Variants in KIF26B observed in about 807,000 individuals in gnomAD.
The protein encoded by KIF26B is kinesin family member 26B.
A neutral mutation model predicts 151.2 loss-of-function variants in KIF26B; 63 were observed. The ratio of observed to expected loss-of-function variants is 0.42; its 90% CI spans 0.34 to 0.51. KIF26B has a LOEUF of 0.51. Ranked by LOEUF, KIF26B falls within the 20% of genes least tolerant of loss-of-function variation. KIF26B has a pLI of 0.07. For missense variants in KIF26B, 2,813 were observed against 2,913.6 expected, an observed-to-expected ratio of 0.97 and a Z score of 0.79; for synonymous variants, 1,357 against 1,262.1, an observed-to-expected ratio of 1.08 and a Z score of -1.59.
rs1430738075 is a variant in KIF26B at position 245,705,388 on chromosome 1, T to C, written c.*2782T>C. ...TGATGTGCTTGTTCCTGTCTCTGCCTATAAATTGACTGTATTGATGATGAA... is the reference window on the plus strand; with the variant it reads ...TGATGTGCTTGTTCCTGTCTCTGCCCATAAATTGACTGTATTGATGATGAA... On this transcript the variant is annotated 3_prime_UTR_variant, in exon 15 of 15. Transcript: ENST00000407071. 6.6e-6 allele frequency: 1 copy of C among 152,160 alleles called. No homozygotes were observed. Among genetic ancestry groups the C allele is most frequent in the African/African-American group, 2.4e-5 (1 of 41,424 alleles). 9.4% of individuals were successfully genotyped at this position (152,160 alleles called of 1,614,324 possible).
chr1:245,250,248 C>T (rs3106155), intron 2 of KIF26B, among the ~76,000 whole-genome samples: 1,869 of 152,060 alleles, frequency 0.012, 45 homozygotes, highest in African/African-American at 0.041. Flanking sequence ...TGTAGGTAGG[C>T]GTATTATATA....
chr1:245,158,513 G>T (rs965866498), intron 2 of KIF26B, among the ~76,000 whole-genome samples: 1 of 152,232 alleles, frequency 6.6e-6, no homozygotes, highest in Admixed American at 6.5e-5. Context: ...TCAGAGTGAG[G>T]TGATGGCCCC....
chr1:245,573,384 G>A (rs183894326), intron 5 of KIF26B, among the ~76,000 whole-genome samples: 9 of 152,196 alleles, frequency 5.9e-5, no homozygotes, highest in African/African-American at 1.4e-4. Context: ...TTAGCCGGGC[G>A]TGGTGGTGGG....
At chr1:245,257,663 G>A (rs952266921) in intron 2 of KIF26B, among the ~76,000 whole-genome samples, 2 of 152,164 alleles carry the variant, frequency 1.3e-5, no homozygotes, top group African/African-American at 4.8e-5. Flanking sequence ...GCCCTCCCGT[G>A]TCTAGAAGCA....
rs1423408978 is a variant in KIF26B, at chr1:245,241,034, G to A, written c.465+84351G>A. ...TTTTCCTACTCTTGGGTCTCACAGG[G>A]CCTGGGGATTGGGAAACAGAGTATT... On this transcript the variant is annotated intron_variant, in intron 2 of 14. Coordinates refer to ENST00000407071, the MANE Select transcript of KIF26B (RefSeq NM_018012.4). This position sits in a 1 kb window ranked among gnomAD's most constrained non-coding sequence, Gnocchi z 5.0. Among the ~76,000 whole-genome samples the A allele has an allele frequency of 6.6e-6, 1 of 152,182 alleles. No individual in the cohort carries two copies. The highest frequency in any genetic ancestry group is 2.4e-5 in the African/African-American group (1 of 41,436).
Position 245,158,223 on chromosome 1 carries a change from G to A in KIF26B, c.465+1540G>A, listed in dbSNP as rs1668477120. On this transcript the variant is annotated intron_variant, in intron 2 of 14. Transcript: ENST00000407071. Reference sequence around the variant, plus strand: ...TCTTGAGGACCTATTCTTATAATAGGCTTATTGTGGCTTTGGGTGTTCCTA... The same window carrying A: ...TCTTGAGGACCTATTCTTATAATAGACTTATTGTGGCTTTGGGTGTTCCTA... 3.3e-5 allele frequency among the ~76,000 whole-genome samples: 5 copies of A among 152,026 alleles called. No homozygotes were observed. In the South Asian group the frequency reaches 1.0e-3, roughly 32 times the overall value.
chr1:245,335,199 A>G (rs960993307), intron 2 of KIF26B, among the ~76,000 whole-genome samples: 1 of 152,080 alleles, frequency 6.6e-6, no homozygotes, highest in African/African-American at 2.4e-5. Flanking sequence ...GGCATAATTG[A>G]GGCATCACGG....
At chr1:245,678,621 T>G (rs1234651553) in intron 10 of KIF26B, among the ~76,000 whole-genome samples, 1 of 152,054 alleles carries the variant, frequency 6.6e-6, no homozygotes, top group Non-Finnish European at 1.5e-5. Flanking sequence ...CCCAGCACTT[T>G]GGGAGGCCAA....
At chr1:245,353,056 T>C (rs1298364798) in intron 2 of KIF26B, among the ~76,000 whole-genome samples, 1 of 152,250 alleles carries the variant, frequency 6.6e-6, no homozygotes, top group Non-Finnish European at 1.5e-5. Context: ...TGTATATGAA[T>C]TGATTGATTC....
chr1:245,668,863 G>A (rs1421916128), intron 10 of KIF26B, among the ~76,000 whole-genome samples: 1 of 152,026 alleles, frequency 6.6e-6, no homozygotes, highest in Non-Finnish European at 1.5e-5. Context: ...CTAATTTTTT[G>A]TAGTTTTAGT....
rs1672920234 is a variant in KIF26B, at chr1:245,365,347, TAA to T, written c.466-1485_466-1484del. Among the ~76,000 whole-genome samples the T allele has an allele frequency of 2.0e-5, 3 of 152,298 alleles. No individual in the cohort carries two copies. In the South Asian group the frequency reaches 6.2e-4, roughly 32 times the overall value. On this transcript the variant is annotated intron_variant, in intron 2 of 14. Transcript: ENST00000407071. ...TGAGCCACCCCTTGCTGCTGCAGTG[TAA>T]AGAGGCCTCTTGATTTATTAATCAA...
intron 4 of KIF26B, among the ~76,000 whole-genome samples, chr1:245,532,403 G>A (rs573764445): frequency 2.0e-5 from 3 of 151,772 alleles, no homozygotes; most frequent in East Asian, 1.9e-4. Flanking sequence ...CCGCCACCAT[G>A]CCCAGCTAAT....
chr1:245,457,711 C>T (rs566649034), intron 4 of KIF26B, among the ~76,000 whole-genome samples: 1 of 152,302 alleles, frequency 6.6e-6, no homozygotes, highest in Non-Finnish European at 1.5e-5. Flanking sequence ...CCTATTGCAA[C>T]ATTTCTTTTC....
At chr1:245,310,506 C>T (rs945237345) in intron 2 of KIF26B, among the ~76,000 whole-genome samples, 7 of 152,190 alleles carry the variant, frequency 4.6e-5, no homozygotes, top group African/African-American at 1.7e-4. Flanking sequence ...GCTTAGGAAA[C>T]TCGTTCAAGG....
intron 5 of KIF26B, among the ~76,000 whole-genome samples, chr1:245,581,399 G>C (rs539268651): frequency 6.6e-6 from 1 of 152,018 alleles, no homozygotes; most frequent in Non-Finnish European, 1.5e-5. Context: ...GATGAAGAAA[G>C]AAAGAAAGAT....
At chr1:245,283,183 A>C (rs1356907480) in intron 2 of KIF26B, 2 of 158,458 alleles carry the variant, frequency 1.3e-5, no homozygotes, top group East Asian at 3.8e-4. Context: ...ACCGGAGAGC[A>C]ACACAGCCAC....
In KIF26B at chr1:245,212,727, G is replaced by A. The variant is rs550025141; in HGVS notation, c.465+56044G>A. Among the ~76,000 whole-genome samples, 7 of 152,292 alleles carry A rather than the reference G, an allele frequency of 4.6e-5. No individual in the cohort carries two copies. In the South Asian group the frequency reaches 1.0e-3, roughly 23 times the overall value. On this transcript the variant is annotated intron_variant, in intron 2 of 14. Transcript: ENST00000407071. The stretch of plus-strand genomic sequence containing the variant: ...TGCTGTCGCCCTGAGAGGCGGCACC[G>A]TCGGGCCCCGAGTCAGCCGTGTGCT...
chr1:245,305,811 G>A (rs541291455), intron 2 of KIF26B, among the ~76,000 whole-genome samples: 10 of 151,742 alleles, frequency 6.6e-5, no homozygotes, highest in Non-Finnish European at 1.5e-4. Context: ...GGTGGCGGGC[G>A]CCTGTAGTCC....
chr1:245,302,556 C>A (rs1221391889), intron 2 of KIF26B, among the ~76,000 whole-genome samples: 2 of 152,188 alleles, frequency 1.3e-5, no homozygotes, highest in Non-Finnish European at 2.9e-5. Context: ...CAGCAAGGAA[C>A]TTAATAGCTT....
Sources: allele counts gnomAD v4.1 joint callset (sites outside exome capture counted in the v4.1 genomes callset), GRCh38; gene constraint gnomAD v4.1.1; non-coding constraint Gnocchi (gnomAD v3.1); transcripts MANE v1.5; gene names NCBI Gene and HGNC (gene_info 2026-07-23, HGNC 2026-07-21).